Variants in MLANA observed in about 807,000 individuals in gnomAD.
The protein encoded by MLANA is melan-A.
MLANA carries 21 observed loss-of-function variants against 15.7 expected under a neutral mutation model. The observed-to-expected ratio is 1.33, with a 90% confidence interval of 0.95 to 1.92. The LOEUF is 1.92. Among genes scored for constraint, MLANA ranks in the 40% most tolerant of loss-of-function variants. MLANA has a pLI of 0.00. For synonymous variants in MLANA, 56 were observed against 51.5 expected, an observed-to-expected ratio of 1.09 and a Z score of -0.37; for missense variants, 164 against 143.8, an observed-to-expected ratio of 1.14 and a Z score of -0.72.
intron 3 of MLANA, among the ~76,000 whole-genome samples, chr9:5,902,004 G>C (rs1010666786): frequency 3.7e-5 from 4 of 107,278 alleles, no homozygotes; most frequent in African/African-American, 5.6e-5. Context: ...TCTGGTATTA[G>C]GGTAATGCTG....
intron 2 of MLANA, among the ~76,000 whole-genome samples, chr9:5,896,357 C>A (rs959033571): frequency 6.6e-6 from 1 of 152,214 alleles, no homozygotes; most frequent in African/African-American, 2.4e-5. Flanking sequence ...TAGGTCTCAG[C>A]TTCCTGATCT....
At chr9:5,903,983 A>G (rs1417532021) in intron 3 of MLANA, among the ~76,000 whole-genome samples, 2 of 151,586 alleles carry the variant, frequency 1.3e-5, no homozygotes, top group Non-Finnish European at 1.5e-5. Flanking sequence ...TCAGCCTCCC[A>G]AGTAGCTGGT....
chr9:5,906,330 AAAAAAAAAAAAAGAAAAGAAAAGAAAAG>A (rs1832809462), intron 3 of MLANA, among the ~76,000 whole-genome samples: 1 of 21,218 alleles, frequency 4.7e-5, no homozygotes, highest in African/African-American at 1.1e-4. Flanking sequence ...ACTCTGTCTC[AAAAAAAAAAAAAGAAAAGAAAAGAAAAG>A]AAAAAAAAAG....
intron 3 of MLANA, among the ~76,000 whole-genome samples, chr9:5,903,686 G>C (rs1832598013): frequency 6.6e-6 from 1 of 152,032 alleles, no homozygotes; most frequent in Non-Finnish European, 1.5e-5. Flanking sequence ...TGTGTTCTTA[G>C]GTACATGCAA....
At chr9:5,897,707 G>C in intron 3 of MLANA, 54 bp downstream of exon 3, 6 of 1,445,584 alleles carry the variant, frequency 4.2e-6, no homozygotes, top group Non-Finnish European at 5.8e-6. Flanking sequence ...CCTCTTTCCA[G>C]TTCTTTCCTC....
At chr9:5,906,486 G>A (rs989610611) in intron 3 of MLANA, among the ~76,000 whole-genome samples, 13 of 152,198 alleles carry the variant, frequency 8.5e-5, no homozygotes, top group African/African-American at 3.1e-4. Context: ...CTGCAAGGCA[G>A]GTCTACTGGC....
rs566702027 is a variant in MLANA, at chr9:5,903,731, C to T, written c.175-3154C>T. On this transcript the variant is annotated intron_variant, in intron 3 of 4. Coordinates refer to ENST00000381477, the MANE Select transcript of MLANA (RefSeq NM_005511.2). ...TTCTTATGTCTTCTTGGAGAATGAA[C>T]ACCTTTATCGTTATGTAATATCCCT... Among the ~76,000 whole-genome samples, 18 of 152,282 alleles carry T rather than the reference C, an allele frequency of 1.2e-4. No homozygotes were observed. The Middle Eastern group carries it at 0.017, about 144-fold the overall frequency.
intron 3 of MLANA, among the ~76,000 whole-genome samples, chr9:5,904,732 T>A (rs1832684679): frequency 6.6e-6 from 1 of 151,684 alleles, no homozygotes; most frequent in South Asian, 2.1e-4. Flanking sequence ...CCCAAAGTGC[T>A]AGGATTACAG....
At chr9:5,899,098 C>T (rs368153654) in intron 3 of MLANA, 81 of 152,224 alleles carry the variant, frequency 5.3e-4, no homozygotes, top group African/African-American at 1.8e-3. Context: ...CTTCAGCACC[C>T]GAAGGCATTC....
In MLANA at chr9:5,893,861, G is replaced by C. The variant is rs2150702; in HGVS notation, c.77+1310G>C. ...AGGAGGTGAAGGAGAGGCTAGGACC[G>C]TTCCTTTCAAGGGGCACACGTCACT... On this transcript the variant is annotated intron_variant, in intron 2 of 4. Transcript: ENST00000381477. Among the ~76,000 whole-genome samples the C allele has an allele frequency of 2.0e-5, 3 of 151,692 alleles. No individual in the cohort carries two copies. In the East Asian group the frequency reaches 5.8e-4, roughly 29 times the overall value.
Position 5,909,869 on chromosome 9 carries a change from T to C in MLANA, c.*1161T>C, listed in dbSNP as rs1031240201. 2.0e-5 allele frequency: 3 copies of C among 152,338 alleles called. No individual in the cohort carries two copies. Among genetic ancestry groups the C allele is most frequent in the African/African-American group, 4.8e-5 (2 of 41,578 alleles). The allele number at this position is 152,338 out of a possible 1,614,324, so 9.4% of individuals were successfully genotyped here. On this transcript the variant is annotated 3_prime_UTR_variant, in exon 5 of 5. Coordinates refer to ENST00000381477, the MANE Select transcript of MLANA (RefSeq NM_005511.2). ...AGCAACATTGCAATTTGTTTTCCTT[T>C]GGCTACATCAACGTATCACCTACAC...
chr9:5,892,696 G>T lies in MLANA; in HGVS notation c.77+145G>T, dbSNP rs1831733677. ...AACATCCCTGGCAACAAGGGGAGGAGATTCTGTGCTTCTATAAGGGGCTCA... is the reference window on the plus strand; with the variant it reads ...AACATCCCTGGCAACAAGGGGAGGATATTCTGTGCTTCTATAAGGGGCTCA... On this transcript the variant is annotated intron_variant, in intron 2 of 4. Transcript: ENST00000381477. 5 of 639,506 alleles carry T rather than the reference G, an allele frequency of 7.8e-6. No individual in the cohort carries two copies. In the Admixed American group the frequency reaches 9.7e-5, roughly 12 times the overall value. The allele number at this position is 639,506 out of a possible 1,614,324, so 39.6% of individuals were successfully genotyped here. A position where few individuals can be genotyped will look rare whatever the true frequency, so the allele number is the denominator to read the frequency against.
intron 2 of MLANA, among the ~76,000 whole-genome samples, chr9:5,893,869 C>T: frequency 6.6e-6 from 1 of 152,034 alleles, no homozygotes; most frequent in Non-Finnish European, 1.5e-5. Flanking sequence ...CCGTTCCTTT[C>T]AAGGGGCACA....
rs1331387625 is a variant in MLANA, at chr9:5,909,431, T to C, written c.*723T>C. 1.3e-5 allele frequency: 2 copies of C among 152,244 alleles called. No individual in the cohort carries two copies. Among genetic ancestry groups the C allele is most frequent in the East Asian group, 1.9e-4 (1 of 5,192 alleles). 9.4% of individuals were successfully genotyped at this position (152,244 alleles called of 1,614,324 possible). A position where few individuals can be genotyped will look rare whatever the true frequency, so the allele number is the denominator to read the frequency against. On this transcript the variant is annotated 3_prime_UTR_variant, in exon 5 of 5. Coordinates refer to ENST00000381477, the MANE Select transcript of MLANA (RefSeq NM_005511.2). ...GCGCCACTATGCCTGACTAATTTTG[T>C]AGTTTTAGTAGAGACGGGGTTTCTC...
intron 3 of MLANA, among the ~76,000 whole-genome samples, chr9:5,898,627 G>C (rs1832203163): frequency 6.6e-6 from 1 of 152,140 alleles, no homozygotes; most frequent in African/African-American, 2.4e-5. Flanking sequence ...CACAGGGGAA[G>C]GGGTTTGAGG....
intron 3 of MLANA, among the ~76,000 whole-genome samples, chr9:5,901,380 G>A (rs1038936659): frequency 6.6e-6 from 1 of 152,130 alleles, no homozygotes; most frequent in Non-Finnish European, 1.5e-5. Flanking sequence ...ACTTGAGTAA[G>A]TTTCCCTTTA....
rs138406858 is a variant in MLANA, at chr9:5,895,325, G to T, written c.78-2232G>T. 2.0e-5 allele frequency among the ~76,000 whole-genome samples: 3 copies of T among 151,918 alleles called. No homozygotes were observed. In the East Asian group the frequency reaches 5.8e-4, roughly 29 times the overall value. On this transcript the variant is annotated intron_variant, in intron 2 of 4. Coordinates refer to ENST00000381477, the MANE Select transcript of MLANA (RefSeq NM_005511.2). ...GTCATTCCTCTCATGAAAAGTCCCT[G>T]CCCCCATTGCTGTTTGTTTAAATAG...
chr9:5,910,447 C>T lies in MLANA; in HGVS notation c.*1739C>T, dbSNP rs998034518. ...TTACTACTTAAAATAAGGCTTCCAC[C>T]TCTCCCACTTCAAACAAATAAATGA... On this transcript the variant is annotated 3_prime_UTR_variant, in exon 5 of 5. Transcript: ENST00000381477. 2.0e-5 allele frequency: 3 copies of T among 152,178 alleles called. No homozygotes were observed. The highest frequency in any genetic ancestry group is 7.2e-5 in the African/African-American group (3 of 41,418). The allele number at this position is 152,178 out of a possible 1,614,324, so 9.4% of individuals were successfully genotyped here.
At position 5,901,813 on chromosome 9, in the gene MLANA, C is replaced by T. The variant is rs141743731; in HGVS notation, c.174+4160C>T. ...CTGGGATTACAGGCGTGAGCCACCA[C>T]GCCTGGCCTGATTTCTCAATATTGA... On this transcript the variant is annotated intron_variant, in intron 3 of 4. Transcript: ENST00000381477. Among the ~76,000 whole-genome samples the T allele has an allele frequency of 3.9e-4, 60 of 152,292 alleles. 1 individual carries two copies. In the East Asian group the frequency reaches 9.4e-3, roughly 24 times the overall value.
Sources: gnomAD v4.1 joint callset for allele counts (sites outside exome capture counted in the v4.1 genomes callset) on GRCh38, gnomAD v4.1.1 for gene constraint, MANE v1.5 for transcripts, NCBI Gene and HGNC (gene_info 2026-07-23, HGNC 2026-07-21) for gene names.